PRKN: variants seen among roughly 807,000 people sequenced by gnomAD.
PRKN encodes the protein E3 ubiquitin-protein ligase parkin.
PRKN carries 56 observed loss-of-function variants against 59.5 expected under a neutral mutation model. The observed-to-expected ratio is 0.94, with a 90% confidence interval of 0.76 to 1.18. The LOEUF (loss-of-function observed/expected upper bound fraction) is 1.18, where lower values mean the gene tolerates loss of function less well. PRKN is among the 50% of genes most tolerant of loss of function. The pLI, the probability that PRKN is intolerant of heterozygous loss-of-function variation, is 0.00. For missense variants in PRKN, 657 were observed against 596.4 expected, an observed-to-expected ratio of 1.10 and a Z score of -1.06; for synonymous variants, 250 against 222.1, an observed-to-expected ratio of 1.13 and a Z score of -1.12.
At chr6:161,607,008 A>C (rs1347434396) in intron 7 of PRKN, among the ~76,000 whole-genome samples, 1 of 152,210 alleles carries the variant, frequency 6.6e-6, no homozygotes, top group Non-Finnish European at 1.5e-5. Flanking sequence ...GGATGACTGC[A>C]TGTTGATTGG....
At chr6:162,302,231 T>G (rs1781993408) in intron 2 of PRKN, among the ~76,000 whole-genome samples, 1 of 152,088 alleles carries the variant, frequency 6.6e-6, no homozygotes, top group African/African-American at 2.4e-5. Flanking sequence ...TCTACCACCT[T>G]GGACCCAAGG....
intron 2 of PRKN, among the ~76,000 whole-genome samples, chr6:162,401,162 G>A (rs1014632762): frequency 1.3e-5 from 2 of 151,644 alleles, no homozygotes; most frequent in Admixed American, 6.6e-5. Context: ...ACAGAACTAC[G>A]ATTAAATATA....
chr6:162,610,050 T>C (rs1211498715), intron 1 of PRKN, among the ~76,000 whole-genome samples: 1 of 152,198 alleles, frequency 6.6e-6, no homozygotes, highest in Middle Eastern at 3.2e-3. Context: ...TTGAGATGGA[T>C]GAAATGTAAG....
intron 6 of PRKN, among the ~76,000 whole-genome samples, chr6:161,909,184 G>C: frequency 6.6e-6 from 1 of 152,300 alleles, no homozygotes; most frequent in Middle Eastern, 3.4e-3. Flanking sequence ...TTGTTAATGA[G>C]CATCACAATA....
chr6:161,648,110 A>T (rs1562582203), intron 7 of PRKN, among the ~76,000 whole-genome samples: 1 of 152,212 alleles, frequency 6.6e-6, no homozygotes, highest in Non-Finnish European at 1.5e-5. Flanking sequence ...TCAGGTGGAG[A>T]CAAAACAAGC....
intron 9 of PRKN, among the ~76,000 whole-genome samples, chr6:161,486,139 G>A (rs4142068): frequency 6.6e-6 from 1 of 151,800 alleles, no homozygotes; most frequent in African/African-American, 2.4e-5. Context: ...ATTTAGTTTT[G>A]TGAAAGACAC....
intron 7 of PRKN, among the ~76,000 whole-genome samples, chr6:161,637,119 A>C (rs1374561268): frequency 6.6e-6 from 1 of 152,218 alleles, no homozygotes; most frequent in Non-Finnish European, 1.5e-5. Flanking sequence ...ATGTTTTTAT[A>C]AACCGCTAAA....
intron 9 of PRKN, among the ~76,000 whole-genome samples, chr6:161,494,897 C>G (rs768748360): frequency 3.5e-4 from 54 of 152,196 alleles, no homozygotes; most frequent in Non-Finnish European, 6.0e-4. Flanking sequence ...TAGGACTCCT[C>G]TCCCTTGCTC....
At position 161,499,587 on chromosome 6, in the gene PRKN, T is replaced by A. The variant is rs1463345787; in HGVS notation, c.1083+49267A>T. Among the ~76,000 whole-genome samples, 3 of 152,174 alleles carry A rather than the reference T, an allele frequency of 2.0e-5. No individual in the cohort carries two copies. In the East Asian group the frequency reaches 5.8e-4, roughly 29 times the overall value. On this transcript the variant is annotated intron_variant, in intron 9 of 11. Transcript: ENST00000366898. This position sits in a 1 kb window ranked among gnomAD's most constrained non-coding sequence, Gnocchi z 4.2. ...CTGAAAATGTGGTCCCTGGTCCACC[T>A]GGATCCAAGTTAGCTGAGTTGCTCG...
intron 1 of PRKN, among the ~76,000 whole-genome samples, chr6:162,483,337 G>T (rs1360012553): frequency 6.6e-6 from 1 of 152,148 alleles, no homozygotes; most frequent in Non-Finnish European, 1.5e-5. Context: ...ATGTGTGGTG[G>T]AGGTAAAAGA....
At chr6:162,645,956 G>A (rs564478243) in intron 1 of PRKN, among the ~76,000 whole-genome samples, 1 of 143,016 alleles carries the variant, frequency 7.0e-6, no homozygotes, top group Non-Finnish European at 1.5e-5. Context: ...CTCACTGCAA[G>A]CTCCACCTCC....
intron 6 of PRKN, among the ~76,000 whole-genome samples, chr6:161,906,375 G>A (rs1449337434): frequency 6.6e-6 from 1 of 152,154 alleles, no homozygotes; most frequent in African/African-American, 2.4e-5. Context: ...GAACCTTGCT[G>A]ACATTTGCCC....
intron 2 of PRKN, among the ~76,000 whole-genome samples, chr6:162,360,309 C>T (rs1785080455): frequency 6.6e-6 from 1 of 152,130 alleles, no homozygotes; most frequent in African/African-American, 2.4e-5. Flanking sequence ...TGTTCTTCAA[C>T]AATTCCTAAT....
At chr6:161,835,645 G>C (rs894895991) in intron 6 of PRKN, among the ~76,000 whole-genome samples, 2 of 152,210 alleles carry the variant, frequency 1.3e-5, no homozygotes. Context: ...GCTTATCCAC[G>C]CATGGGGAGG....
intron 6 of PRKN, among the ~76,000 whole-genome samples, chr6:161,859,899 C>T (rs1356175270): frequency 2.0e-5 from 3 of 151,964 alleles, no homozygotes; most frequent in African/African-American, 7.2e-5. Context: ...GGTGTAATTC[C>T]CCTGAGAAAA....
At chr6:162,570,405 T>C (rs1288245223) in intron 1 of PRKN, among the ~76,000 whole-genome samples, 2 of 152,230 alleles carry the variant, frequency 1.3e-5, no homozygotes, top group Admixed American at 1.3e-4. Flanking sequence ...TTTTTTAGTT[T>C]TGAGGTTCCT....
chr6:162,205,386 A>G (rs527916308), intron 3 of PRKN, among the ~76,000 whole-genome samples: 3 of 152,196 alleles, frequency 2.0e-5, no homozygotes, highest in Non-Finnish European at 4.4e-5. Context: ...TGTATTTTAG[A>G]TAATAGGCTT....
rs1263587127 is a variant in PRKN at position 162,540,252 on chromosome 6, T to TA, written c.8-96780dup. Among the ~76,000 whole-genome samples the TA allele has an allele frequency of 2.0e-5, 3 of 152,040 alleles. No individual in the cohort carries two copies. The East Asian group carries it at 5.8e-4, about 29-fold the overall frequency. On this transcript the variant is annotated intron_variant, in intron 1 of 11. Transcript: ENST00000366898. Reference sequence around the variant, plus strand: ...ATTTTTTATTTTTTATTTTTTGAGATAGAGTCTTGCTCTGTCACACAGGCT... The same window carrying TA: ...ATTTTTTATTTTTTATTTTTTGAGATAAGAGTCTTGCTCTGTCACACAGGCT...
At chr6:162,590,077 T>TGC (rs1166262663) in intron 1 of PRKN, among the ~76,000 whole-genome samples, 2 of 152,218 alleles carry the variant, frequency 1.3e-5, no homozygotes, top group Non-Finnish European at 2.9e-5. Context: ...GATGTGTGTG[T>TGC]GTGCATGTAA....
Sources: gnomAD v4.1 joint callset for allele counts (sites outside exome capture counted in the v4.1 genomes callset) on GRCh38, gnomAD v4.1.1 for gene constraint, Gnocchi (gnomAD v3.1) non-coding constraint, MANE v1.5 for transcripts, NCBI Gene and HGNC (gene_info 2026-07-23, HGNC 2026-07-21) for gene names.